CHRM2: variants seen among roughly 807,000 people sequenced by gnomAD.
CHRM2 encodes muscarinic acetylcholine receptor M2.
A neutral mutation model predicts 25.0 loss-of-function variants in CHRM2; 8 were observed. The ratio of observed to expected loss-of-function variants is 0.32; its 90% CI spans 0.19 to 0.58. The LOEUF is 0.58. CHRM2 is among the 20% of genes least tolerant of loss of function. CHRM2 has a pLI of 0.88. For missense variants in CHRM2, 440 were observed against 567.1 expected (o/e 0.78, Z 2.28); for synonymous variants, 202 against 205.7 (o/e 0.98, Z 0.15).
intron 3 of CHRM2, among the ~76,000 whole-genome samples, chr7:136,999,890 A>G (rs1563117488): frequency 6.6e-6 from 1 of 151,692 alleles, no homozygotes; most frequent in Non-Finnish European, 1.5e-5. Flanking sequence ...CCAGTAATAA[A>G]TGGTGATGAA....
chr7:137,011,535 G>T (rs1011129519), intron 3 of CHRM2, among the ~76,000 whole-genome samples: 1 of 151,880 alleles, frequency 6.6e-6, no homozygotes, highest in African/African-American at 2.4e-5. Flanking sequence ...TTCTCACTGG[G>T]CTCTGGCCAA....
intron 2 of CHRM2, among the ~76,000 whole-genome samples, chr7:136,958,448 CTTTTTTT>C (rs56127104): frequency 1.1e-5 from 1 of 91,146 alleles, no homozygotes; most frequent in South Asian, 3.9e-4. Context: ...GCAGTGTCAT[CTTTTTTT>C]TTTTTTTTTT....
intron 2 of CHRM2, among the ~76,000 whole-genome samples, chr7:136,939,451 G>A (rs1554421236): frequency 1.3e-5 from 2 of 152,122 alleles, no homozygotes; most frequent in Non-Finnish European, 2.9e-5. Flanking sequence ...GCAAAGTAAG[G>A]ATAATATTAT....
intron 3 of CHRM2, among the ~76,000 whole-genome samples, chr7:136,992,670 G>A (rs944077429): frequency 1.2e-4 from 18 of 152,104 alleles, no homozygotes; most frequent in African/African-American, 3.1e-4. Flanking sequence ...CAAATTCAGC[G>A]TTCACGTTGA....
rs1801053705 is a variant in CHRM2 at position 136,961,144 on chromosome 7, AAACCAT to A, written c.-124-31041_-124-31036del. 1.3e-5 allele frequency among the ~76,000 whole-genome samples: 2 copies of A among 152,146 alleles called. 1 individual carries two copies. The highest frequency in any genetic ancestry group is 4.1e-4 in the South Asian group (2 of 4,830). ...CATTAAAAAAAAAAATTAATTAAAA[AAACCAT>A]ATGCATTCAGTAGAAACCATACTTC... On this transcript the variant is annotated intron_variant, in intron 2 of 3. Coordinates refer to ENST00000680005, the MANE Select transcript of CHRM2 (RefSeq NM_001006630.2).
intron 2 of CHRM2, among the ~76,000 whole-genome samples, chr7:136,980,823 G>C (rs918280627): frequency 3.3e-5 from 5 of 152,110 alleles, no homozygotes; most frequent in Non-Finnish European, 5.9e-5. Flanking sequence ...GCTTTTTAAC[G>C]TGCTGCTGGA....
At chr7:136,962,690 G>T (rs964643864) in intron 2 of CHRM2, among the ~76,000 whole-genome samples, 1 of 152,202 alleles carries the variant, frequency 6.6e-6, no homozygotes, top group Non-Finnish European at 1.5e-5. Context: ...AAACTTGCAA[G>T]ATAAGTTTCA....
In CHRM2 at chr7:136,959,015, G is replaced by C. The variant is rs544653412; in HGVS notation, c.-124-33172G>C. ...CTTAGCTTTTAGAGATGTCTGAAAA[G>C]ATGGCTGAGAGGCTATTTTTATGTT... On this transcript the variant is annotated intron_variant, in intron 2 of 3. Coordinates refer to ENST00000680005, the MANE Select transcript of CHRM2 (RefSeq NM_001006630.2). 5.3e-5 allele frequency among the ~76,000 whole-genome samples: 8 copies of C among 152,242 alleles called. No individual in the cohort carries two copies. In the East Asian group the frequency reaches 1.5e-3, roughly 29 times the overall value.
Position 137,017,851 on chromosome 7 carries a change from C to T in CHRM2, c.*1585C>T, listed in dbSNP as rs528100294. On this transcript the variant is annotated 3_prime_UTR_variant, in exon 4 of 4. Transcript: ENST00000680005. ...GGTGGCATTATATAGAATCTTGCCA[C>T]GTAGAGATTTTTTATTTGGTCGTCT... 22 of 151,898 alleles carry T rather than the reference C, an allele frequency of 1.4e-4. No individual in the cohort carries two copies. Among genetic ancestry groups the T allele is most frequent in the Admixed American group, 2.6e-4 (4 of 15,194 alleles). 9.4% of individuals were successfully genotyped at this position (151,898 alleles called of 1,614,324 possible). A position where few individuals can be genotyped will look rare whatever the true frequency, so the allele number is the denominator to read the frequency against.
chr7:137,000,097 C>T (rs1368773601), intron 3 of CHRM2, among the ~76,000 whole-genome samples: 1 of 151,970 alleles, frequency 6.6e-6, no homozygotes, highest in Non-Finnish European at 1.5e-5. Flanking sequence ...CTACTACTCC[C>T]AACCTAGCCA....
intron 2 of CHRM2, among the ~76,000 whole-genome samples, chr7:136,909,642 C>T (rs570117361): frequency 1.3e-5 from 2 of 151,970 alleles, no homozygotes; most frequent in South Asian, 2.1e-4. Flanking sequence ...TATATATGTA[C>T]ATGCATACAC....
At chr7:136,932,092 C>A (rs1799140163) in intron 2 of CHRM2, among the ~76,000 whole-genome samples, 1 of 151,860 alleles carries the variant, frequency 6.6e-6, no homozygotes, top group Admixed American at 6.6e-5. Context: ...ATGATAATAA[C>A]AAAAACAAAA....
At position 137,015,051 on chromosome 7, in the gene CHRM2, A is replaced by G. The variant is rs760443842; in HGVS notation, c.186A>G (p.Leu62=). 8.1e-6 allele frequency: 13 copies of G among 1,613,262 alleles called. No homozygotes were observed. The East Asian group carries it at 2.7e-4, about 33-fold the overall frequency. Residue 62 remains leucine (L), a synonymous_variant, in exon 4 of 4, where the codon TTA becomes TTG. Coordinates refer to ENST00000680005, the MANE Select transcript of CHRM2 (RefSeq NM_001006630.2). The surrounding 1 kb of genome is among the most constrained non-coding windows in gnomAD (Gnocchi z 5.1). ...RHLQTVNNYF[L]FSLACADLII... Reference sequence around the variant, plus strand: ...TCCAGACCGTCAACAATTACTTTTTATTCAGCTTGGCCTGTGCTGACCTTA... The same window carrying G: ...TCCAGACCGTCAACAATTACTTTTTGTTCAGCTTGGCCTGTGCTGACCTTA...
chr7:136,989,667 T>A (rs1426812127), intron 2 of CHRM2, among the ~76,000 whole-genome samples: 1 of 152,150 alleles, frequency 6.6e-6, no homozygotes, highest in African/African-American at 2.4e-5. Flanking sequence ...GTCTTCTCCA[T>A]CCCTTTCATT....
chr7:136,876,081 C>T (rs927507550), intron 2 of CHRM2, among the ~76,000 whole-genome samples: 1 of 152,074 alleles, frequency 6.6e-6, no homozygotes, highest in Non-Finnish European at 1.5e-5. Flanking sequence ...CAGCCATGTG[C>T]ACCACCTGGT....
chr7:137,007,240 G>A (rs992655301), intron 3 of CHRM2, among the ~76,000 whole-genome samples: 2 of 152,038 alleles, frequency 1.3e-5, no homozygotes, highest in African/African-American at 4.8e-5. Flanking sequence ...TGTTGTTTTA[G>A]AAAATTGGAA....
intron 2 of CHRM2, among the ~76,000 whole-genome samples, chr7:136,895,266 A>G (rs1268195080): frequency 6.6e-6 from 1 of 152,200 alleles, no homozygotes; most frequent in Non-Finnish European, 1.5e-5. Flanking sequence ...CCTATAATGT[A>G]TAATTTGAGT....
At chr7:136,939,263 C>T (rs1204897595) in intron 2 of CHRM2, among the ~76,000 whole-genome samples, 1 of 152,178 alleles carries the variant, frequency 6.6e-6, no homozygotes, top group Admixed American at 6.5e-5. Context: ...TTTATGTCTC[C>T]TTTCCTAGGC....
chr7:137,013,480 T>C (rs1804961066), intron 3 of CHRM2, among the ~76,000 whole-genome samples: 1 of 152,014 alleles, frequency 6.6e-6, no homozygotes, highest in South Asian at 2.1e-4. Context: ...AATTTTAATT[T>C]CTCAGCAATG....
Sources: gnomAD v4.1 joint callset for allele counts (sites outside exome capture counted in the v4.1 genomes callset) on GRCh38, gnomAD v4.1.1 for gene constraint, Gnocchi (gnomAD v3.1) non-coding constraint, MANE v1.5 for transcripts, NCBI Gene and HGNC (gene_info 2026-07-23, HGNC 2026-07-21) for gene names.